SCOC: variants seen among roughly 807,000 people sequenced by gnomAD.
The protein encoded by SCOC is short coiled coil protein.
SCOC carries 7 observed loss-of-function variants against 9.9 expected under a neutral mutation model. The observed-to-expected ratio is 0.71, with a 90% CI of 0.40 to 1.33. The LOEUF (loss-of-function observed/expected upper bound fraction) is 1.33. Ranked by LOEUF, SCOC falls within the 40% of genes most tolerant of loss-of-function variation. The probability of loss-of-function intolerance (pLI) is 0.01; values close to 1 mark genes in which losing one functional copy is unlikely to be tolerated. For missense variants in SCOC, 66 were observed against 89.7 expected (o/e 0.74, Z 1.07); for synonymous variants, 19 against 28.2 (o/e 0.67, Z 1.03).
chr4:140,368,732 A>C (rs534008993), upstream of SCOC, among the ~76,000 whole-genome samples: 21 of 152,332 alleles, frequency 1.4e-4, no homozygotes, highest in African/African-American at 5.1e-4. Flanking sequence ...AGGTAGGGGA[A>C]TGGTGAATGA....
chr4:140,288,721 T>C (rs1478165320), intron 1 of SCOC, among the ~76,000 whole-genome samples: 1 of 151,656 alleles, frequency 6.6e-6, no homozygotes, highest in Non-Finnish European at 1.5e-5. Flanking sequence ...CACACACATA[T>C]ACAAGTTACA....
At chr4:140,373,191 T>C (rs1299099433), upstream of SCOC, 2 of 823,466 alleles carry the variant, frequency 2.4e-6, no homozygotes, top group Admixed American at 9.7e-5. Context: ...CGGTGTCGCG[T>C]TGACTTTCTC....
intron 1 of SCOC, among the ~76,000 whole-genome samples, chr4:140,263,689 C>A (rs1730677838): frequency 6.6e-6 from 1 of 152,044 alleles, no homozygotes; most frequent in Non-Finnish European, 1.5e-5. Flanking sequence ...AAATTATGCC[C>A]CTTTTACTTG....
At chr4:140,377,279 A>G (rs898453575) in intron 1 of SCOC, among the ~76,000 whole-genome samples, 2 of 152,220 alleles carry the variant, frequency 1.3e-5, no homozygotes, top group African/African-American at 2.4e-5. Context: ...TGTTGATTCA[A>G]TGGAGAGGAA....
intron 1 of SCOC, among the ~76,000 whole-genome samples, chr4:140,317,909 T>A (rs1732378766): frequency 7.6e-6 from 1 of 132,328 alleles, no homozygotes; most frequent in African/African-American, 2.8e-5. Context: ...CCATGTGATC[T>A]CATTGTTCAA....
chr4:140,326,681 C>T (rs746902502), intron 1 of SCOC, among the ~76,000 whole-genome samples: 21 of 152,094 alleles, frequency 1.4e-4, no homozygotes, highest in Non-Finnish European at 2.6e-4. Context: ...AACAAACCTC[C>T]CGTGGACTTC....
chr4:140,345,262 A>G (rs571965278), intron 2 of SCOC, among the ~76,000 whole-genome samples: 3 of 152,178 alleles, frequency 2.0e-5, no homozygotes, highest in South Asian at 4.2e-4. Flanking sequence ...CTTGCTCCCA[A>G]TTGCCGCCTC....
chr4:140,295,987 TA>T (rs1188462811), intron 1 of SCOC, among the ~76,000 whole-genome samples: 1 of 149,794 alleles, frequency 6.7e-6, no homozygotes, highest in Non-Finnish European at 1.5e-5. Flanking sequence ...CTGGAGCTTA[TA>T]AAGCTGCAGG....
At chr4:140,274,445 A>AG (rs1162938838) in intron 1 of SCOC, among the ~76,000 whole-genome samples, 1 of 152,082 alleles carries the variant, frequency 6.6e-6, no homozygotes, top group Admixed American at 6.5e-5. Flanking sequence ...TCCAGTTATG[A>AG]GGGGGCTCCT....
At chr4:140,285,717 A>G (rs539589695) in intron 1 of SCOC, among the ~76,000 whole-genome samples, 2 of 152,298 alleles carry the variant, frequency 1.3e-5, no homozygotes, top group South Asian at 4.2e-4. Flanking sequence ...CCCCTTTTCA[A>G]TGAACCAAGA....
chr4:140,379,535 T>C (rs982144093), intron 2 of SCOC, 34 bp from the exon 3 acceptor site: 1 of 1,465,526 alleles, frequency 6.8e-7, no homozygotes, highest in Non-Finnish European at 9.5e-7. Context: ...TACCTAATGC[T>C]AATTAATAGT....
intron 1 of SCOC, among the ~76,000 whole-genome samples, chr4:140,313,908 ACTTGAGGT>A (rs1732232614): frequency 6.6e-6 from 1 of 152,070 alleles, no homozygotes; most frequent in Non-Finnish European, 1.5e-5. Flanking sequence ...CGGGTGGCTC[ACTTGAGGT>A]CAGGAATTCC....
intron 1 of SCOC, among the ~76,000 whole-genome samples, chr4:140,276,885 C>T (rs1186407884): frequency 6.6e-6 from 1 of 152,128 alleles, no homozygotes; most frequent in Non-Finnish European, 1.5e-5. Flanking sequence ...AGCTCTGAGG[C>T]AGAGTATTGG....
At chr4:140,337,547 A>G (rs1196805814) in intron 1 of SCOC, among the ~76,000 whole-genome samples, 1 of 152,204 alleles carries the variant, frequency 6.6e-6, no homozygotes, top group East Asian at 1.9e-4. Flanking sequence ...ATTGAATTAC[A>G]ACAAGAATAC....
At chr4:140,289,499 G>A (rs1356924556) in intron 1 of SCOC, among the ~76,000 whole-genome samples, 1 of 152,204 alleles carries the variant, frequency 6.6e-6, no homozygotes, top group East Asian at 1.9e-4. Flanking sequence ...TGTTAAGACT[G>A]TGGATCAGGG....
At position 140,274,532 on chromosome 4, in the gene SCOC, G is replaced by T. The variant is rs1273622435; in HGVS notation, c.-19+17122G>T. Among the ~76,000 whole-genome samples the T allele has an allele frequency of 5.9e-5, 9 of 152,298 alleles. No individual in the cohort carries two copies. In the East Asian group the frequency reaches 1.2e-3, roughly 20 times the overall value. On this transcript the variant is annotated intron_variant, in intron 1 of 4. Transcript: ENST00000394205. ...GGTGCCAGTTTCTCTCTCGGCAGGT[G>T]CATCAGCTTCCCAACCTCTTAGGGA...
chr4:140,378,978 ACC>A, intron 1 of SCOC, 141 bp from the exon 2 acceptor site: 1 of 597,292 alleles, frequency 1.7e-6, no homozygotes. Context: ...TTGCTTATTT[ACC>A]CATTAGGCAT....
intron 1 of SCOC, among the ~76,000 whole-genome samples, chr4:140,292,804 C>A (rs910598138): frequency 1.3e-5 from 2 of 152,220 alleles, no homozygotes; most frequent in African/African-American, 4.8e-5. Flanking sequence ...GGACCATCCA[C>A]CCAGATGTAC....
chr4:140,310,544 A>G (rs1732121265), intron 1 of SCOC, among the ~76,000 whole-genome samples: 1 of 152,230 alleles, frequency 6.6e-6, no homozygotes, highest in Admixed American at 6.5e-5. Context: ...AGCATTTGAC[A>G]TAATTTCTTG....
Sources: gnomAD v4.1 joint callset for allele counts (sites outside exome capture counted in the v4.1 genomes callset) on GRCh38, gnomAD v4.1.1 for gene constraint, MANE v1.5 for transcripts, NCBI Gene and HGNC (gene_info 2026-07-23, HGNC 2026-07-21) for gene names.